MAGI1: variants seen among roughly 807,000 people sequenced by gnomAD.
MAGI1 encodes the protein membrane-associated guanylate kinase, WW and PDZ domain-containing protein 1.
MAGI1 carries 58 observed loss-of-function variants against 139.9 expected under a neutral mutation model. The observed-to-expected ratio is 0.41, with a 90% CI of 0.34 to 0.52. The LOEUF (loss-of-function observed/expected upper bound fraction) is 0.52, where lower values mean the gene tolerates loss of function less well. Ranked by LOEUF, MAGI1 falls within the 20% of genes least tolerant of loss-of-function variation. MAGI1 has a pLI of 0.12. For synonymous variants in MAGI1, 812 were observed against 737.9 expected, an observed-to-expected ratio of 1.10 and a Z score of -1.63; for missense variants, 1,874 against 1,901.6, an observed-to-expected ratio of 0.99 and a Z score of 0.27.
intron 3 of MAGI1, among the ~76,000 whole-genome samples, chr3:65,490,214 A>G (rs1434828136): frequency 6.6e-6 from 1 of 152,188 alleles, no homozygotes; most frequent in African/African-American, 2.4e-5. Context: ...ATTTAGCCCT[A>G]CCTCTGAGGA....
At chr3:65,808,363 G>A (rs1185385869) in intron 1 of MAGI1, among the ~76,000 whole-genome samples, 14 of 152,006 alleles carry the variant, frequency 9.2e-5, no homozygotes, top group Non-Finnish European at 7.4e-5. Context: ...GGCAGGCATG[G>A]TGGCACACTC....
At chr3:65,813,906 T>C (rs948600778) in intron 1 of MAGI1, among the ~76,000 whole-genome samples, 1 of 152,164 alleles carries the variant, frequency 6.6e-6, no homozygotes, top group Non-Finnish European at 1.5e-5. Flanking sequence ...TAAAGGTACC[T>C]TGCAGGAGTA....
chr3:65,588,095 C>T (rs973572732), intron 2 of MAGI1, among the ~76,000 whole-genome samples: 2 of 152,082 alleles, frequency 1.3e-5, no homozygotes, highest in African/African-American at 2.4e-5. Context: ...ACCAAAGACT[C>T]GCTAAAAACC....
At chr3:65,950,106 A>ACAC (rs2063757014) in intron 1 of MAGI1, among the ~76,000 whole-genome samples, 1 of 84,204 alleles carries the variant, frequency 1.2e-5, no homozygotes, top group East Asian at 3.9e-4. Context: ...AAAAAAAAAA[A>ACAC]CAGAACTAGC....
At chr3:65,735,015 T>C (rs1009140247) in intron 1 of MAGI1, among the ~76,000 whole-genome samples, 1 of 152,154 alleles carries the variant, frequency 6.6e-6, no homozygotes, top group African/African-American at 2.4e-5. Context: ...TATATACCTA[T>C]GCATACAATT....
In MAGI1 at chr3:65,391,160, T is replaced by G; in HGVS notation, c.2398A>C (p.Ser800Arg). 1 of 1,614,202 alleles carries G rather than the reference T, an allele frequency of 6.2e-7. No homozygotes were observed. Among genetic ancestry groups the G allele is most frequent in the Non-Finnish European group, 8.5e-7 (1 of 1,180,032 alleles). The change falls in exon 14 of 23, where the codon AGC becomes CGC. Residue 800 changes from serine to arginine, a missense_variant. Coordinates refer to ENST00000402939, the MANE Select transcript of MAGI1 (RefSeq NM_001033057.2). ...DPFKIWAQSRSMYENRLPDYQ... is the reference protein window; with the variant it reads ...DPFKIWAQSRRMYENRLPDYQ... ...TACTCACGTCGGTTTTCATACATGC[T>G]CCTGGACTGGGCCCAGATTTTAAAA...
chr3:65,869,605 T>TTA (rs778819734), intron 1 of MAGI1, among the ~76,000 whole-genome samples: 1 of 151,966 alleles, frequency 6.6e-6, no homozygotes, highest in East Asian at 2.0e-4. Flanking sequence ...TTTCACTGTG[T>TTA]TAGCCAGGAT....
intron 2 of MAGI1, among the ~76,000 whole-genome samples, chr3:65,540,051 T>C (rs1285843269): frequency 1.3e-5 from 2 of 152,188 alleles, no homozygotes; most frequent in African/African-American, 4.8e-5. Context: ...TCTCATAAGA[T>C]CAATGGGAAT....
At chr3:65,410,860 A>C (rs1945740960) in intron 12 of MAGI1, among the ~76,000 whole-genome samples, 1 of 152,184 alleles carries the variant, frequency 6.6e-6, no homozygotes, top group Non-Finnish European at 1.5e-5. Flanking sequence ...TAACAGGTTG[A>C]CTGGCCACAA....
At chr3:65,979,595 A>G (rs2065460136) in intron 1 of MAGI1, among the ~76,000 whole-genome samples, 1 of 152,206 alleles carries the variant, frequency 6.6e-6, no homozygotes, top group African/African-American at 2.4e-5. Flanking sequence ...ACCCAAAGAA[A>G]TGAATATCCT....
intron 1 of MAGI1, among the ~76,000 whole-genome samples, chr3:65,928,122 AT>A (rs928264110): frequency 6.6e-6 from 1 of 152,046 alleles, no homozygotes; most frequent in African/African-American, 2.4e-5. Context: ...GAAGACAAGG[AT>A]TTTTTTACAG....
intron 1 of MAGI1, among the ~76,000 whole-genome samples, chr3:65,731,610 G>A (rs2034199936): frequency 6.7e-6 from 1 of 148,524 alleles, no homozygotes; most frequent in Admixed American, 6.8e-5. Flanking sequence ...AGCTGTGATT[G>A]TACCACTGCA....
chr3:65,577,578 A>G (rs1350173359), intron 2 of MAGI1, among the ~76,000 whole-genome samples: 1 of 152,180 alleles, frequency 6.6e-6, no homozygotes, highest in Non-Finnish European at 1.5e-5. Flanking sequence ...CTGTCAAAAC[A>G]GTCCTTGAAG....
Position 65,845,341 on chromosome 3 carries a change from C to A in MAGI1, c.313+192655G>T, listed in dbSNP as rs538717011. On this transcript the variant is annotated intron_variant, in intron 1 of 22. Transcript: ENST00000402939. Reference sequence around the variant, plus strand: ...AGAGTGTCGTGGTTAACATGATGGGCCCCTGGAGTAACGCTGAACTTGCTA... The same window carrying A: ...AGAGTGTCGTGGTTAACATGATGGGACCCTGGAGTAACGCTGAACTTGCTA... Among the ~76,000 whole-genome samples, 6 of 152,050 alleles carry A rather than the reference C, an allele frequency of 3.9e-5. No homozygotes were observed. In the South Asian group the frequency reaches 1.0e-3, roughly 26 times the overall value.
chr3:66,018,115 G>T (rs1385711269), intron 1 of MAGI1, among the ~76,000 whole-genome samples: 3 of 129,364 alleles, frequency 2.3e-5, no homozygotes, highest in Non-Finnish European at 3.2e-5. Context: ...CACTTTGGTG[G>T]GGGGGGGGGG....
chr3:65,717,107 G>C (rs2032359616), intron 1 of MAGI1, among the ~76,000 whole-genome samples: 1 of 152,168 alleles, frequency 6.6e-6, no homozygotes, highest in Non-Finnish European at 1.5e-5. Context: ...TCTTTTAAAA[G>C]AGGAGGCCTT....
At chr3:65,827,761 T>C (rs2042305726) in intron 1 of MAGI1, among the ~76,000 whole-genome samples, 1 of 152,224 alleles carries the variant, frequency 6.6e-6, no homozygotes, top group South Asian at 2.1e-4. Flanking sequence ...GTGATAATTA[T>C]TACAGAGAGG....
chr3:65,798,980 T>C (rs1445173998), intron 1 of MAGI1, among the ~76,000 whole-genome samples: 3 of 152,118 alleles, frequency 2.0e-5, no homozygotes, highest in Non-Finnish European at 2.9e-5. Context: ...AGTGCTTGTG[T>C]TCAAGAAACC....
At position 65,497,416 on chromosome 3, in the gene MAGI1, C is replaced by T. The variant is rs116860052; in HGVS notation, c.431-3785G>A. On this transcript the variant is annotated intron_variant, in intron 2 of 22. Coordinates refer to ENST00000402939, the MANE Select transcript of MAGI1 (RefSeq NM_001033057.2). Reference sequence around the variant, plus strand: ...GTGAAAAAGCTGTTCAGCCAGCTACCTCTAAAACACAAACAGTCTACATCA... The same window carrying T: ...GTGAAAAAGCTGTTCAGCCAGCTACTTCTAAAACACAAACAGTCTACATCA... 9.0e-4 allele frequency among the ~76,000 whole-genome samples: 137 copies of T among 152,210 alleles called. 2 individuals are homozygous for T. In the East Asian group the frequency reaches 0.026, roughly 28 times the overall value.
Sources: allele counts gnomAD v4.1 joint callset (sites outside exome capture counted in the v4.1 genomes callset), GRCh38; gene constraint gnomAD v4.1.1; transcripts MANE v1.5; gene names NCBI Gene and HGNC (gene_info 2026-07-23, HGNC 2026-07-21).